TNFSF4: variants seen among roughly 807,000 people sequenced by gnomAD.
TNFSF4 encodes tumor necrosis factor ligand superfamily member 4.
In TNFSF4, 4 loss-of-function variants were observed where a neutral mutation model predicts 7.3. The ratio of observed to expected loss-of-function variants is 0.55; its 90% CI spans 0.27 to 1.25. The LOEUF (loss-of-function observed/expected upper bound fraction) is 1.25, where lower values mean the gene tolerates loss of function less well. Ranked by LOEUF, TNFSF4 falls within the 50% of genes most tolerant of loss-of-function variation. The pLI, the probability that TNFSF4 is intolerant of heterozygous loss-of-function variation, is 0.12. For missense variants in TNFSF4, 181 were observed against 208.8 expected (o/e 0.87, Z 0.82); for synonymous variants, 76 against 83.7 (o/e 0.91, Z 0.50).
chr1:173,378,300 T>A, the TNFSF4 span, among the ~76,000 whole-genome samples: 1 of 151,046 alleles, frequency 6.6e-6, no homozygotes, highest in Non-Finnish European at 1.5e-5. Flanking sequence ...CCATTGCAGG[T>A]TCTTGGGCAA....
chr1:173,265,823 T>C, the TNFSF4 span, among the ~76,000 whole-genome samples: 4 of 152,166 alleles, frequency 2.6e-5, no homozygotes, highest in Non-Finnish European at 4.4e-5. Flanking sequence ...TTAATTTGCG[T>C]TAGTGGTAAT....
chr1:173,350,382 A>G, the TNFSF4 span, among the ~76,000 whole-genome samples: 2 of 152,296 alleles, frequency 1.3e-5, no homozygotes, highest in South Asian at 2.1e-4. Context: ...TAGAATCAGT[A>G]CTTCCTCCAT....
intron 1 of TNFSF4, among the ~76,000 whole-genome samples, chr1:173,189,181 T>C (rs1482341942): frequency 6.6e-6 from 1 of 152,176 alleles, no homozygotes; most frequent in Non-Finnish European, 1.5e-5. Context: ...TACTGTTTTG[T>C]CTCACTGTGC....
the TNFSF4 span, among the ~76,000 whole-genome samples, chr1:173,295,109 T>C: frequency 1.3e-5 from 2 of 151,940 alleles, no homozygotes; most frequent in Non-Finnish European, 2.9e-5. Flanking sequence ...ATAACAAGTA[T>C]AGATGAGCAA....
the TNFSF4 span, among the ~76,000 whole-genome samples, chr1:173,269,885 C>T: frequency 1.3e-5 from 2 of 152,094 alleles, no homozygotes; most frequent in Non-Finnish European, 2.9e-5. Context: ...ACTGCAGCCA[C>T]TTGCTGAGAG....
At chr1:173,428,608 A>G in the TNFSF4 span, among the ~76,000 whole-genome samples, 1 of 152,262 alleles carries the variant, frequency 6.6e-6, no homozygotes, top group Admixed American at 6.5e-5. Context: ...AGTTTATGAT[A>G]TTAATGAATT....
the TNFSF4 span, among the ~76,000 whole-genome samples, chr1:173,399,044 G>T: frequency 1.3e-5 from 2 of 152,176 alleles, no homozygotes; most frequent in South Asian, 4.1e-4. Flanking sequence ...TTACCATGTA[G>T]CCTGAGCTGC....
At chr1:173,397,343 C>T in the TNFSF4 span, among the ~76,000 whole-genome samples, 9 of 152,146 alleles carry the variant, frequency 5.9e-5, no homozygotes, top group Non-Finnish European at 1.3e-4. Flanking sequence ...AATACACCTC[C>T]CCGCCTTATC....
At chr1:173,344,973 G>A in the TNFSF4 span, among the ~76,000 whole-genome samples, 8 of 152,132 alleles carry the variant, frequency 5.3e-5, no homozygotes, top group Admixed American at 6.5e-5. Context: ...TGTTATATCT[G>A]CAAGTCTATG....
the TNFSF4 span, among the ~76,000 whole-genome samples, chr1:173,288,065 C>A: frequency 6.6e-6 from 1 of 152,112 alleles, no homozygotes; most frequent in Non-Finnish European, 1.5e-5. Flanking sequence ...TTTAAAGTTT[C>A]CAAATACATA....
chr1:173,426,923 ACAGT>A, the TNFSF4 span, among the ~76,000 whole-genome samples: 11 of 152,098 alleles, frequency 7.2e-5, no homozygotes, highest in Admixed American at 5.2e-4. Context: ...GGGATGCAAG[ACAGT>A]CAGAGAGAGA....
rs951275631 is a variant in TNFSF4, at chr1:173,186,452, G to A, written c.*64C>T. 1 of 1,363,392 alleles carries A rather than the reference G, an allele frequency of 7.3e-7. No homozygotes were observed. The highest frequency in any genetic ancestry group is 1.4e-5 in the African/African-American group (1 of 69,432). The allele number at this position is 1,363,392 out of a possible 1,614,324, so 84.5% of individuals were successfully genotyped here. On this transcript the variant is annotated 3_prime_UTR_variant, in exon 3 of 3. Coordinates refer to ENST00000281834, the MANE Select transcript of TNFSF4 (RefSeq NM_003326.5). ...CCTTCACTTGCAATGAAGAATCCAT[G>A]CCCTGTCCACCCCCAGCTTGGTGTT...
At chr1:173,434,440 G>C in the TNFSF4 span, among the ~76,000 whole-genome samples, 6 of 152,204 alleles carry the variant, frequency 3.9e-5, no homozygotes, top group African/African-American at 1.4e-4. Context: ...AGCAATCAGT[G>C]GGTTAACCTT....
the TNFSF4 span, among the ~76,000 whole-genome samples, chr1:173,402,853 A>ATTT: frequency 6.9e-6 from 1 of 144,832 alleles, no homozygotes; most frequent in African/African-American, 2.5e-5. Flanking sequence ...GAGAATTTGC[A>ATTT]TTTTTTTTTT....
the TNFSF4 span, among the ~76,000 whole-genome samples, chr1:173,373,549 G>A: frequency 3.4e-3 from 518 of 152,286 alleles, 4 homozygotes; most frequent in Non-Finnish European, 4.2e-3. Context: ...TTTCACACGG[G>A]TATAGAGAAC....
chr1:173,231,859 C>A, the TNFSF4 span, among the ~76,000 whole-genome samples: 2 of 152,064 alleles, frequency 1.3e-5, no homozygotes, highest in African/African-American at 4.8e-5. Context: ...AACTCCCATT[C>A]ACAATTGCTT....
the TNFSF4 span, among the ~76,000 whole-genome samples, chr1:173,315,909 C>T: frequency 3.3e-5 from 5 of 151,988 alleles, no homozygotes; most frequent in African/African-American, 9.7e-5. Flanking sequence ...GATGTAGTCC[C>T]ATTTGCTTAT....
the TNFSF4 span, among the ~76,000 whole-genome samples, chr1:173,289,782 G>T: frequency 6.6e-6 from 1 of 152,022 alleles, no homozygotes; most frequent in African/African-American, 2.4e-5. Flanking sequence ...ATAAGAAACT[G>T]CAGAAGAATA....
the TNFSF4 span, among the ~76,000 whole-genome samples, chr1:173,366,908 C>T: frequency 6.6e-6 from 1 of 152,076 alleles, no homozygotes; most frequent in Non-Finnish European, 1.5e-5. Flanking sequence ...AAATAAATTC[C>T]TGACATAAGA....
Sources: gnomAD v4.1 joint callset for allele counts (sites outside exome capture counted in the v4.1 genomes callset) on GRCh38, gnomAD v4.1.1 for gene constraint, MANE v1.5 for transcripts, NCBI Gene and HGNC (gene_info 2026-07-23, HGNC 2026-07-21) for gene names.